BCL9: variants seen among roughly 807,000 people sequenced by gnomAD.
BCL9 encodes the protein BCL9 transcription coactivator, also known as B-cell CLL/lymphoma 9 protein.
In BCL9, 25 loss-of-function variants were observed where a neutral mutation model predicts 88.5. The observed-to-expected ratio is 0.28, with a 90% confidence interval of 0.21 to 0.39. The LOEUF is 0.39. Among genes scored for constraint, BCL9 ranks in the 10% least tolerant of loss-of-function variants. The pLI, the probability that BCL9 is intolerant of heterozygous loss-of-function variation, is 1.00. For missense variants in BCL9, 1,817 were observed against 1,877.8 expected, an observed-to-expected ratio of 0.97 and a Z score of 0.60; for synonymous variants, 711 against 673.3, an observed-to-expected ratio of 1.06 and a Z score of -0.87.
intron 1 of BCL9, among the ~76,000 whole-genome samples, chr1:147,568,338 C>T (rs1051672449): frequency 1.3e-5 from 2 of 152,222 alleles, no homozygotes; most frequent in South Asian, 4.1e-4. Flanking sequence ...ACCTAGAATG[C>T]TCCACTTCAT....
At chr1:147,613,656 CAA>C (rs782411811) in intron 5 of BCL9, among the ~76,000 whole-genome samples, 12 of 152,114 alleles carry the variant, frequency 7.9e-5, no homozygotes, top group Non-Finnish European at 1.6e-4. Context: ...ACTTCAGACA[CAA>C]GAGGAAGCCT....
intron 1 of BCL9, among the ~76,000 whole-genome samples, chr1:147,598,668 G>C (rs1351474558): frequency 1.3e-5 from 2 of 152,330 alleles, no homozygotes; most frequent in East Asian, 3.9e-4. Flanking sequence ...TCTGTCTCCA[G>C]GGAGAACACG....
At chr1:147,578,430 T>C (rs782575897) in intron 1 of BCL9, among the ~76,000 whole-genome samples, 6 of 152,220 alleles carry the variant, frequency 3.9e-5, no homozygotes, top group Non-Finnish European at 8.8e-5. Context: ...ACCTTGATGC[T>C]ATGTGTATAA....
intron 1 of BCL9, among the ~76,000 whole-genome samples, chr1:147,542,206 G>A (rs964395670): frequency 6.6e-6 from 1 of 152,212 alleles, no homozygotes; most frequent in Non-Finnish European, 1.5e-5. Flanking sequence ...GCCTCGCTGT[G>A]AAGGGGAGGC....
intron 8 of BCL9, among the ~76,000 whole-genome samples, chr1:147,621,794 CCTT>C (rs1658664512): frequency 6.6e-6 from 1 of 152,138 alleles, no homozygotes; most frequent in Non-Finnish European, 1.5e-5. Context: ...CCCCCTCAGA[CCTT>C]CTTGGTTCAA....
intron 1 of BCL9, among the ~76,000 whole-genome samples, chr1:147,584,306 C>T (rs1279501014): frequency 2.6e-5 from 4 of 152,182 alleles, no homozygotes; most frequent in African/African-American, 9.7e-5. Context: ...CTGGACTTCC[C>T]AAAGTGCTGG....
Position 147,620,833 on chromosome 1 carries a change from C to G in BCL9, c.2678C>G (p.Ala893Gly). 6.2e-7 allele frequency: 1 copy of G among 1,614,200 alleles called. No homozygotes were observed. Among genetic ancestry groups the G allele is most frequent in the Non-Finnish European group, 8.5e-7 (1 of 1,180,034 alleles). The change falls in exon 8 of 10, where the codon GCA becomes GGA. Residue 893 changes from alanine (A) to glycine (G), a missense_variant. Coordinates refer to ENST00000234739, the MANE Select transcript of BCL9 (RefSeq NM_004326.4). ...TCCCCCCAGACTCCATCGCAGCTGGCAGGCATGCTGGCGGGCCCAGCTGCT... is the reference window on the plus strand; with the variant it reads ...TCCCCCCAGACTCCATCGCAGCTGGGAGGCATGCTGGCGGGCCCAGCTGCT... Reference protein sequence around the residue: ...LKSPQTPSQLAGMLAGPAAAA... With the variant: ...LKSPQTPSQLGGMLAGPAAAA...
chr1:147,605,025 T>G (rs1657609453), intron 2 of BCL9, 114 bp downstream of exon 2: 1 of 152,222 alleles, frequency 6.6e-6, no homozygotes, highest in Non-Finnish European at 1.5e-5. Flanking sequence ...TATTCATTAT[T>G]CTAAGAATTC....
intron 1 of BCL9, among the ~76,000 whole-genome samples, chr1:147,599,402 G>C (rs1553200823): frequency 6.6e-6 from 1 of 152,226 alleles, no homozygotes; most frequent in African/African-American, 2.4e-5. Context: ...GCAGGGAAGA[G>C]TGAGGGAAAG....
intron 1 of BCL9, among the ~76,000 whole-genome samples, chr1:147,565,887 C>A (rs1285562507): frequency 2.6e-5 from 4 of 152,188 alleles, no homozygotes; most frequent in East Asian, 1.9e-4. Context: ...CCCTCCAGAT[C>A]TACCCACTTT....
chr1:147,556,590 G>T (rs1655126350), intron 1 of BCL9, among the ~76,000 whole-genome samples: 1 of 152,060 alleles, frequency 6.6e-6, no homozygotes, highest in Non-Finnish European at 1.5e-5. Context: ...TGAAACTACA[G>T]GAGTGCATCA....
intron 1 of BCL9, among the ~76,000 whole-genome samples, chr1:147,544,500 TCA>T (rs1476426617): frequency 6.6e-6 from 1 of 152,172 alleles, no homozygotes; most frequent in Non-Finnish European, 1.5e-5. Context: ...TGAAGTAACT[TCA>T]CTCTTGTAGT....
chr1:147,571,628 C>T (rs1259875706), intron 1 of BCL9, among the ~76,000 whole-genome samples: 2 of 152,100 alleles, frequency 1.3e-5, no homozygotes, highest in African/African-American at 4.8e-5. Flanking sequence ...TATCCCACTC[C>T]CATTTTCCTA....
chr1:147,542,759 C>A (rs1325401806), intron 1 of BCL9, among the ~76,000 whole-genome samples: 1 of 152,092 alleles, frequency 6.6e-6, no homozygotes, highest in Non-Finnish European at 1.5e-5. Context: ...CTTTCCTCCT[C>A]CTTGTACGTA....
At chr1:147,595,527 C>A (rs1657006757) in intron 1 of BCL9, among the ~76,000 whole-genome samples, 1 of 152,052 alleles carries the variant, frequency 6.6e-6, no homozygotes, top group Non-Finnish European at 1.5e-5. Flanking sequence ...GTAGAAACAT[C>A]CGGAATTATT....
At chr1:147,569,076 G>C (rs1401966619) in intron 1 of BCL9, among the ~76,000 whole-genome samples, 2 of 151,760 alleles carry the variant, frequency 1.3e-5, no homozygotes, top group Admixed American at 1.3e-4. Flanking sequence ...CAGGTAGCTG[G>C]TGGAAGCAGG....
Position 147,622,332 on chromosome 1 carries a change from C to T in BCL9, c.2964C>T (p.Pro988=), listed in dbSNP as rs1553205545. Residue 988 remains proline, a synonymous_variant, in exon 9 of 10, where the codon CCC becomes CCT. Transcript: ENST00000234739. ...PASVNIPGSL[P]SSTPYTMPPE... ...CTGTGAATATCCCTGGAAGTCTTCC[C>T]TCTAGTACACCTTATACCATGCCTC... The T allele has an allele frequency of 6.2e-7, 1 of 1,614,198 alleles. No individual in the cohort carries two copies. The highest frequency in any genetic ancestry group is 1.7e-5 in the Admixed American group (1 of 60,026).
At chr1:147,548,102 T>C (rs1553194447) in intron 1 of BCL9, among the ~76,000 whole-genome samples, 1 of 152,226 alleles carries the variant, frequency 6.6e-6, no homozygotes, top group East Asian at 1.9e-4. Flanking sequence ...GAGAAACTTA[T>C]GAACCTTGGA....
At chr1:147,608,330 CTTTTT>C (rs35324998) in intron 3 of BCL9, among the ~76,000 whole-genome samples, 1 of 101,058 alleles carries the variant, frequency 9.9e-6, no homozygotes, top group African/African-American at 3.9e-5. Flanking sequence ...TTTTGTTTTG[CTTTTT>C]TTTTTTTTTT....
Sources: gnomAD v4.1 joint callset for allele counts (sites outside exome capture counted in the v4.1 genomes callset) on GRCh38, gnomAD v4.1.1 for gene constraint, MANE v1.5 for transcripts, NCBI Gene and HGNC (gene_info 2026-07-23, HGNC 2026-07-21) for gene names.